DNAH17: variants seen among roughly 807,000 people sequenced by gnomAD.
DNAH17 encodes dynein axonemal heavy chain 17, also known as axonemal beta dynein heavy chain 17.
In DNAH17, 376 loss-of-function variants were observed where a neutral mutation model predicts 485.6. That is an observed-to-expected ratio of 0.77 (90% CI 0.71 to 0.84). The LOEUF is 0.84. Ranked by LOEUF, DNAH17 falls within the 40% of genes least tolerant of loss-of-function variation. DNAH17 has a pLI of 0.00. For missense variants in DNAH17, 6,370 were observed against 5,839.3 expected (o/e 1.09, Z -2.96); for synonymous variants, 3,031 against 2,405.9 (o/e 1.26, Z -7.60).
At chr17:78,499,980 C>T (rs1323416332) in intron 36 of DNAH17, 2 of 260,402 alleles carry the variant, frequency 7.7e-6, no homozygotes, top group Admixed American at 5.1e-5. Flanking sequence ...CCACCCCATG[C>T]TGAACCATGA....
Position 78,468,060 on chromosome 17 carries a change from A to G in DNAH17, c.8778+557T>C, listed in dbSNP as rs1012730337. 8.9e-5 allele frequency among the ~76,000 whole-genome samples: 10 copies of G among 112,714 alleles called. No homozygotes were observed. The Admixed American group carries it at 9.3e-4, about 10-fold the overall frequency. 73.9% of individuals were successfully genotyped at this position (112,714 alleles called of 152,430 possible). On this transcript the variant is annotated intron_variant, in intron 55 of 80. Transcript: ENST00000389840. ...AGAGAGAGAGAGAGTATCAAGGTGCATTTATCTACTTAAACTAGCTGTGTG... is the reference window on the plus strand; with the variant it reads ...AGAGAGAGAGAGAGTATCAAGGTGCGTTTATCTACTTAAACTAGCTGTGTG...
chr17:78,498,904 C>G (rs192342822), intron 37 of DNAH17, 104 bp downstream of exon 37: 2 of 855,112 alleles, frequency 2.3e-6, no homozygotes, highest in East Asian at 6.0e-5. Flanking sequence ...GTGCTTGGAA[C>G]GTTGCAGAGA....
chr17:78,475,494 A>C, intron 53 of DNAH17, 25 bp from the exon 54 acceptor site: 1 of 1,608,790 alleles, frequency 6.2e-7, no homozygotes. Context: ...GAGATCCCAC[A>C]ACATCTTGTA....
In DNAH17 at chr17:78,461,004, T is replaced by G. The variant is rs77094148; in HGVS notation, c.9339+540A>C. Among the ~76,000 whole-genome samples, 141 of 152,194 alleles carry G rather than the reference T, an allele frequency of 9.3e-4. 1 individual carries two copies. The East Asian group carries it at 0.026, about 28-fold the overall frequency. ...TCATGAGAAGCTGCTCCAATGATGCTGTAACCTTCAGGCTCCAAAGATGAT... is the reference window on the plus strand; with the variant it reads ...TCATGAGAAGCTGCTCCAATGATGCGGTAACCTTCAGGCTCCAAAGATGAT... On this transcript the variant is annotated intron_variant, in intron 58 of 80. Coordinates refer to ENST00000389840, the MANE Select transcript of DNAH17 (RefSeq NM_173628.4).
At position 78,463,004 on chromosome 17, in the gene DNAH17, T is replaced by A. The variant is rs1322239541; in HGVS notation, c.9014A>T (p.Tyr3005Phe). The A allele has an allele frequency of 6.2e-7, 1 of 1,613,976 alleles. No homozygotes were observed. The highest frequency in any genetic ancestry group is 1.7e-5 in the Admixed American group (1 of 60,018). Residue 3005 changes from tyrosine (Y) to phenylalanine (F), a missense_variant, in exon 57 of 81, where the codon TAC becomes TTC. Physicochemically the swap from Tyr to Phe is conservative, Grantham distance 22. Coordinates refer to ENST00000389840, the MANE Select transcript of DNAH17 (RefSeq NM_173628.4). Reference protein sequence around the residue: ...HTTVNEMSRVYLATERRYNYT... With the variant: ...HTTVNEMSRVFLATERRYNYT... Reference sequence around the variant, plus strand: ...GTTGTAGCGCCTCTCAGTAGCCAGGTATACCCTGGACATCTCGTTGACGGT... The same window carrying A: ...GTTGTAGCGCCTCTCAGTAGCCAGGAATACCCTGGACATCTCGTTGACGGT...
intron 69 of DNAH17, among the ~76,000 whole-genome samples, chr17:78,449,038 G>A (rs2087433093): frequency 1.3e-5 from 2 of 152,198 alleles, no homozygotes; most frequent in Non-Finnish European, 2.9e-5. Flanking sequence ...AGGAATATTT[G>A]TTTATTCATA....
chr17:78,556,901 A>C (rs887697869), intron 14 of DNAH17, among the ~76,000 whole-genome samples: 3 of 152,228 alleles, frequency 2.0e-5, no homozygotes, highest in Non-Finnish European at 4.4e-5. Context: ...TAACCGAGTG[A>C]AAGCAGACAG....
intron 55 of DNAH17, 126 bp downstream of exon 55, chr17:78,468,488 TCTC>T (rs2088591886): frequency 1.6e-6 from 2 of 1,262,698 alleles, no homozygotes; most frequent in Non-Finnish European, 2.1e-6. Context: ...CCCCTCACAC[TCTC>T]CTAACAGGAT....
chr17:78,502,033 T>G (rs1188504548), intron 33 of DNAH17, 160 bp from the exon 34 acceptor site: 4 of 1,037,090 alleles, frequency 3.9e-6, no homozygotes, highest in Non-Finnish European at 5.5e-6. Flanking sequence ...CAGGCACTGG[T>G]TTCACCAGGG....
chr17:78,506,505 C>A (rs1289835807), intron 30 of DNAH17, among the ~76,000 whole-genome samples: 2 of 152,164 alleles, frequency 1.3e-5, no homozygotes, highest in Non-Finnish European at 2.9e-5. Context: ...TCTCAAAAGC[C>A]AGGCCAAGTG....
At chr17:78,560,666 G>A in intron 13 of DNAH17, 74 bp downstream of exon 13, 1 of 1,436,594 alleles carries the variant, frequency 7.0e-7, no homozygotes, top group African/African-American at 1.4e-5. Context: ...ATAAATCCGT[G>A]CTGAGGGAAC....
intron 42 of DNAH17, among the ~76,000 whole-genome samples, chr17:78,492,392 G>A (rs552452718): frequency 1.3e-5 from 2 of 152,264 alleles, no homozygotes; most frequent in South Asian, 4.1e-4. Context: ...CTCGGGGCAG[G>A]CCTGCAGTCC....
intron 22 of DNAH17, among the ~76,000 whole-genome samples, chr17:78,527,596 G>A (rs2091113847): frequency 6.6e-6 from 1 of 152,070 alleles, no homozygotes; most frequent in African/African-American, 2.4e-5. Flanking sequence ...GATATGGATT[G>A]TCCATTACAA....
At chr17:78,434,870 G>A (rs1025808617) in intron 74 of DNAH17, among the ~76,000 whole-genome samples, 1 of 152,218 alleles carries the variant, frequency 6.6e-6, no homozygotes, top group African/African-American at 2.4e-5. Context: ...GCGGCTGACG[G>A]AGCACCTCTG....
At chr17:78,472,677 C>A (rs1470607188) in intron 54 of DNAH17, 1 of 450,858 alleles carries the variant, frequency 2.2e-6, no homozygotes, top group East Asian at 7.3e-5. Context: ...GGTTTCGGAT[C>A]CTGGACCCCA....
chr17:78,540,380 G>A (rs377240969), intron 17 of DNAH17, among the ~76,000 whole-genome samples: 1 of 134,698 alleles, frequency 7.4e-6, no homozygotes, highest in Non-Finnish European at 1.6e-5. Flanking sequence ...TGGGGTGGAC[G>A]GATAGCTGGA....
At chr17:78,504,894 CTTTTTTTTTTT>C (rs66596656) in intron 31 of DNAH17, among the ~76,000 whole-genome samples, 3 of 58,934 alleles carry the variant, frequency 5.1e-5, no homozygotes, top group African/African-American at 1.4e-4. Context: ...ATTAACAGGG[CTTTTTTTTTTT>C]TTTTTTTTTT....
At chr17:78,514,724 A>C (rs2090733855) in intron 26 of DNAH17, 50 bp downstream of exon 26, 1 of 1,588,712 alleles carries the variant, frequency 6.3e-7, no homozygotes, top group African/African-American at 1.3e-5. Flanking sequence ...ATCCTGCAGC[A>C]GAGCTGGCCG....
intron 50 of DNAH17, 99 bp downstream of exon 50, chr17:78,479,386 T>C (rs2089248473): frequency 1.5e-6 from 2 of 1,345,288 alleles, no homozygotes; most frequent in Admixed American, 3.0e-5. Context: ...GATTTAGAAT[T>C]ATAAATAAAA....
Sources: allele counts gnomAD v4.1 joint callset (sites outside exome capture counted in the v4.1 genomes callset), GRCh38; gene constraint gnomAD v4.1.1; transcripts MANE v1.5; gene names NCBI Gene and HGNC (gene_info 2026-07-23, HGNC 2026-07-21).